FRMD5: variants seen among roughly 807,000 people sequenced by gnomAD.
FRMD5 encodes the protein FERM domain-containing protein 5.
A neutral mutation model predicts 69.0 loss-of-function variants in FRMD5; 20 were observed. The observed-to-expected ratio is 0.29, with a 90% CI of 0.20 to 0.42. The LOEUF is 0.42. Ranked by LOEUF, FRMD5 falls within the 10% of genes least tolerant of loss-of-function variation. FRMD5 has a pLI of 1.00. For missense variants in FRMD5, 595 were observed against 708.6 expected (o/e 0.84, Z 1.82); for synonymous variants, 271 against 260.1 (o/e 1.04, Z -0.40).
In FRMD5 at chr15:43,975,052, G is replaced by A. The variant is rs139573123; in HGVS notation, c.103-50743C>T. On this transcript the variant is annotated intron_variant, in intron 1 of 13. Coordinates refer to ENST00000417257, the MANE Select transcript of FRMD5 (RefSeq NM_032892.5). Reference sequence around the variant, plus strand: ...TAATGTGCTCAGCTGGAACAGAATCGCAGAATGTCCAGAGCAGTGAACCAT... The same window carrying A: ...TAATGTGCTCAGCTGGAACAGAATCACAGAATGTCCAGAGCAGTGAACCAT... Among the ~76,000 whole-genome samples the A allele has an allele frequency of 4.5e-4, 68 of 152,300 alleles. 1 individual carries two copies. In the East Asian group the frequency reaches 0.013, roughly 28 times the overall value.
Position 44,076,463 on chromosome 15 carries a change from G to A in FRMD5, c.102+118490C>T, listed in dbSNP as rs1424185029. Among the ~76,000 whole-genome samples the A allele has an allele frequency of 6.0e-5, 9 of 150,398 alleles. No individual in the cohort carries two copies. The East Asian group carries it at 1.8e-3, about 29-fold the overall frequency. On this transcript the variant is annotated intron_variant, in intron 1 of 13. Coordinates refer to ENST00000417257, the MANE Select transcript of FRMD5 (RefSeq NM_032892.5). ...CAGCCATAAAAAATGATGAGTTCAT[G>A]TCCTTTGTAGGGACATGGATGAAAT...
At chr15:44,008,023 C>G (rs1890539452) in intron 1 of FRMD5, among the ~76,000 whole-genome samples, 1 of 151,410 alleles carries the variant, frequency 6.6e-6, no homozygotes, top group Non-Finnish European at 1.5e-5. Flanking sequence ...CTCACTGCAG[C>G]CTTAACATCC....
intron 1 of FRMD5, among the ~76,000 whole-genome samples, chr15:43,947,923 G>A (rs2089971744): frequency 6.6e-6 from 1 of 152,100 alleles, no homozygotes; most frequent in African/African-American, 2.4e-5. Context: ...AACTATCCTT[G>A]GGCTTATTCT....
At chr15:44,140,276 A>C (rs955909793) in intron 1 of FRMD5, among the ~76,000 whole-genome samples, 2 of 152,164 alleles carry the variant, frequency 1.3e-5, no homozygotes, top group Admixed American at 6.5e-5. Flanking sequence ...GTAAACAGAA[A>C]TAATCATATA....
chr15:43,958,310 T>A (rs2090145781), intron 1 of FRMD5, among the ~76,000 whole-genome samples: 1 of 151,666 alleles, frequency 6.6e-6, no homozygotes, highest in African/African-American at 2.4e-5. Flanking sequence ...GTACCATTGA[T>A]GGACTGAAAA....
At chr15:43,912,987 C>T (rs1434881128) in intron 4 of FRMD5, among the ~76,000 whole-genome samples, 6 of 149,644 alleles carry the variant, frequency 4.0e-5, no homozygotes, top group South Asian at 2.1e-4. Flanking sequence ...GCGCCAAGAT[C>T]GTGCCACTGC....
chr15:43,959,100 T>C (rs1279310185), intron 1 of FRMD5, among the ~76,000 whole-genome samples: 1 of 152,176 alleles, frequency 6.6e-6, no homozygotes, highest in East Asian at 1.9e-4. Flanking sequence ...TCAAACAACC[T>C]CTAGTGAATA....
intron 1 of FRMD5, among the ~76,000 whole-genome samples, chr15:44,155,752 C>A (rs929135747): frequency 1.3e-5 from 2 of 151,746 alleles, no homozygotes; most frequent in African/African-American, 4.8e-5. Flanking sequence ...CATCACCACG[C>A]CTGTCTAATT....
chr15:43,998,126 G>A (rs1251259600), intron 1 of FRMD5, among the ~76,000 whole-genome samples: 1 of 152,052 alleles, frequency 6.6e-6, no homozygotes, highest in African/African-American at 2.4e-5. Flanking sequence ...GGGATATAAC[G>A]ATCATAGCTG....
chr15:43,923,528 A>G (rs1301155115), intron 2 of FRMD5, among the ~76,000 whole-genome samples: 2 of 152,200 alleles, frequency 1.3e-5, no homozygotes, highest in Non-Finnish European at 2.9e-5. Flanking sequence ...GGGGAACTCT[A>G]TAGGTGAAGG....
chr15:43,957,959 C>T (rs763042507), intron 1 of FRMD5, among the ~76,000 whole-genome samples: 6 of 152,320 alleles, frequency 3.9e-5, no homozygotes, highest in Non-Finnish European at 1.5e-5. Context: ...TCACATAACT[C>T]CACAAGGTAT....
intron 1 of FRMD5, among the ~76,000 whole-genome samples, chr15:44,192,299 G>C (rs576638780): frequency 2.6e-5 from 4 of 152,104 alleles, no homozygotes; most frequent in African/African-American, 9.6e-5. Context: ...TTACCAAATG[G>C]AACTATCATG....
chr15:44,028,945 A>C (rs1453302984), intron 1 of FRMD5, among the ~76,000 whole-genome samples: 6 of 152,224 alleles, frequency 3.9e-5, no homozygotes, highest in Non-Finnish European at 8.8e-5. Flanking sequence ...ACATTGACAA[A>C]GAAGTGACAT....
At chr15:44,099,003 C>G (rs1177879151) in intron 1 of FRMD5, among the ~76,000 whole-genome samples, 1 of 152,052 alleles carries the variant, frequency 6.6e-6, no homozygotes, top group Non-Finnish European at 1.5e-5. Flanking sequence ...AAAAACACGA[C>G]AACATTATCT....
At chr15:44,049,973 A>T (rs553526499) in intron 1 of FRMD5, among the ~76,000 whole-genome samples, 1 of 152,162 alleles carries the variant, frequency 6.6e-6, no homozygotes, top group Non-Finnish European at 1.5e-5. Context: ...ACTAAACAAT[A>T]ATCTTCTTGT....
intron 1 of FRMD5, among the ~76,000 whole-genome samples, chr15:44,014,785 T>C (rs545403531): frequency 6.0e-4 from 91 of 152,234 alleles, no homozygotes; most frequent in Middle Eastern, 6.8e-3. Flanking sequence ...CAAGAGTTGT[T>C]AGGAGGATTA....
At chr15:44,169,183 C>T (rs2077759254) in intron 1 of FRMD5, among the ~76,000 whole-genome samples, 3 of 152,238 alleles carry the variant, frequency 2.0e-5, no homozygotes, top group East Asian at 1.9e-4. Context: ...ATTCCTGTCG[C>T]CTTTTCTTCT....
At chr15:44,132,012 T>A (rs1433416801) in intron 1 of FRMD5, among the ~76,000 whole-genome samples, 2 of 152,182 alleles carry the variant, frequency 1.3e-5, no homozygotes, top group African/African-American at 2.4e-5. Flanking sequence ...GTAGGAGCCC[T>A]GAGGTTTTTT....
intron 1 of FRMD5, among the ~76,000 whole-genome samples, chr15:44,080,112 T>C (rs1228993277): frequency 6.6e-6 from 1 of 152,096 alleles, no homozygotes; most frequent in African/African-American, 2.4e-5. Context: ...GTTATATATA[T>C]ATTTTACCAC....
Sources: gnomAD v4.1 joint callset for allele counts (sites outside exome capture counted in the v4.1 genomes callset) on GRCh38, gnomAD v4.1.1 for gene constraint, MANE v1.5 for transcripts, NCBI Gene and HGNC (gene_info 2026-07-23, HGNC 2026-07-21) for gene names.